ZNF81: variants seen among roughly 807,000 people sequenced by gnomAD.
ZNF81 encodes the protein zinc finger protein 81 (HFZ20).
A neutral mutation model predicts 32.3 loss-of-function variants in ZNF81; 5 were observed. That is an observed-to-expected ratio of 0.15 (90% CI 0.08 to 0.33). The LOEUF (loss-of-function observed/expected upper bound fraction) is 0.33, where lower values mean the gene tolerates loss of function less well. ZNF81 is among the 10% of genes least tolerant of loss of function. The pLI is 1.00. For synonymous variants in ZNF81, 163 were observed against 166.8 expected (o/e 0.98, Z 0.17); for missense variants, 379 against 479.8 (o/e 0.79, Z 1.96).
intron 4 of ZNF81, among the ~76,000 whole-genome samples, chrX:47,901,075 C>T (rs1356377166): frequency 9.0e-6 from 1 of 110,501 alleles, no homozygotes; most frequent in African/African-American, 3.3e-5. Context: ...AACTTTTGAC[C>T]CCCCTACAAA....
chrX:47,863,940 CCAAA>C (rs1452226580), intron 2 of ZNF81, among the ~76,000 whole-genome samples: 1 of 111,563 alleles, frequency 9.0e-6, no homozygotes, highest in Non-Finnish European at 1.9e-5. Flanking sequence ...CAGAGGGTTA[CCAAA>C]CACTCTAGTC....
intron 4 of ZNF81, among the ~76,000 whole-genome samples, chrX:47,900,843 C>G (rs2058695819): frequency 9.0e-6 from 1 of 111,441 alleles, no homozygotes; most frequent in Admixed American, 9.6e-5. Flanking sequence ...AGATTTTATA[C>G]ACAGAATTAG....
intron 4 of ZNF81, among the ~76,000 whole-genome samples, chrX:47,898,221 G>GGGA (rs782693104): frequency 4.8e-4 from 53 of 111,234 alleles, no homozygotes; most frequent in African/African-American, 1.6e-3. Context: ...TTAGAGCAGG[G>GGGA]GGATAGTGGC....
rs1556891988 is a variant in ZNF81 at position 47,922,084 on chromosome X, C to CT, written c.*5453dup. The CT allele has an allele frequency of 8.9e-6, 1 of 112,164 alleles. No individual in the cohort carries two copies. 9.2% of individuals were successfully genotyped at this position (112,164 alleles called of 1,213,427 possible). A position where few individuals can be genotyped will look rare whatever the true frequency, so the allele number is the denominator to read the frequency against. On this transcript the variant is annotated 3_prime_UTR_variant, in exon 5 of 5. Transcript: ENST00000338637. ...TTAAAACGTTAACTGTTTTAAGTCA[C>CT]TAAGTTTTGGGCAGCATGATAACAA...
chrX:47,866,012 C>T (rs1351881584), intron 2 of ZNF81, among the ~76,000 whole-genome samples: 3 of 112,250 alleles, frequency 2.7e-5, no homozygotes, highest in Admixed American at 9.4e-5. Context: ...ACACTAAAGC[C>T]TAACCTACTC....
At position 47,916,947 on chromosome X, in the gene ZNF81, A is replaced by AT. The variant is rs1340340678; in HGVS notation, c.*316dup. The AT allele has an allele frequency of 3.6e-6, 1 of 275,178 alleles. No individual in the cohort carries two copies. The highest frequency in any genetic ancestry group is 5.4e-5 in the East Asian group (1 of 18,447). 22.7% of individuals were successfully genotyped at this position (275,178 alleles called of 1,213,427 possible). Reference sequence around the variant, plus strand: ...AAGTTAAATTGTTACCAAATTCTTTATAGGAAGGAGAGTGCAAAATTATGT... The same window carrying AT: ...AAGTTAAATTGTTACCAAATTCTTTATTAGGAAGGAGAGTGCAAAATTATGT... On this transcript the variant is annotated 3_prime_UTR_variant, in exon 5 of 5. Transcript: ENST00000338637.
intron 2 of ZNF81, among the ~76,000 whole-genome samples, chrX:47,886,601 CTT>C (rs564623338): frequency 1.4e-4 from 13 of 96,102 alleles, no homozygotes; most frequent in Non-Finnish European, 1.7e-4. Flanking sequence ...CTCTCTCTCT[CTT>C]TTTTTTTTTT....
At chrX:47,864,425 G>A (rs2058552547) in intron 2 of ZNF81, among the ~76,000 whole-genome samples, 1 of 111,936 alleles carries the variant, frequency 8.9e-6, no homozygotes, top group Non-Finnish European at 1.9e-5. Context: ...CTGAGGAGAC[G>A]TCAACAGTGG....
At chrX:47,859,909 G>T (rs1225725146) in intron 2 of ZNF81, among the ~76,000 whole-genome samples, 3 of 110,788 alleles carry the variant, frequency 2.7e-5, no homozygotes, top group African/African-American at 9.9e-5. Flanking sequence ...TCTGGAGGGA[G>T]ACACAATATA....
chrX:47,898,112 A>T (rs1313492467), intron 4 of ZNF81, among the ~76,000 whole-genome samples: 1 of 111,447 alleles, frequency 9.0e-6, no homozygotes, highest in Non-Finnish European at 1.9e-5. Context: ...GCAAGGTCAG[A>T]AGGCTAGGCA....
At chrX:47,913,566 AAATTCATTCATT>A (rs2058746225) in intron 4 of ZNF81, among the ~76,000 whole-genome samples, 1 of 112,051 alleles carries the variant, frequency 8.9e-6, no homozygotes, top group Non-Finnish European at 1.9e-5. Context: ...AGGTGAAGTA[AAATTCATTCATT>A]TATTGTATTT....
At chrX:47,892,317 G>A (rs2058665479) in intron 3 of ZNF81, among the ~76,000 whole-genome samples, 1 of 111,816 alleles carries the variant, frequency 8.9e-6, no homozygotes, top group South Asian at 3.7e-4. Context: ...CTCAGTGGCT[G>A]CAGTTCCCAC....
At chrX:47,852,782 C>T (rs1377813318) in intron 2 of ZNF81, among the ~76,000 whole-genome samples, 2 of 112,761 alleles carry the variant, frequency 1.8e-5, no homozygotes, top group Non-Finnish European at 3.7e-5. Context: ...ATATTTTAAC[C>T]TCCTCCCATG....
Position 47,916,672 on chromosome X carries a change from T to A in ZNF81, c.*40T>A, listed in dbSNP as rs2058758323. On this transcript the variant is annotated 3_prime_UTR_variant, in exon 5 of 5. Coordinates refer to ENST00000338637, the MANE Select transcript of ZNF81 (RefSeq NM_007137.5). ...CTTGAAAATGAGAGCCTTATAAGGC[T>A]GACAAAAGTCAGGTCTAACTATATA... 8.6e-7 allele frequency: 1 copy of A among 1,162,384 alleles called. No individual in the cohort carries two copies. Among genetic ancestry groups the A allele is most frequent in the South Asian group, 2.0e-5 (1 of 49,394 alleles).
intron 3 of ZNF81, among the ~76,000 whole-genome samples, chrX:47,895,570 A>C (rs2058676841): frequency 9.0e-6 from 1 of 111,439 alleles, no homozygotes; most frequent in Admixed American, 9.6e-5. Context: ...AGAGACAATA[A>C]ATTTCTGTTG....
intron 2 of ZNF81, among the ~76,000 whole-genome samples, chrX:47,850,033 A>C (rs1267585222): frequency 1.8e-5 from 2 of 111,982 alleles, no homozygotes; most frequent in Admixed American, 9.4e-5. Flanking sequence ...TGAGAATGTA[A>C]ATTGACACAA....
At chrX:47,895,406 G>A (rs2058676275) in intron 3 of ZNF81, among the ~76,000 whole-genome samples, 1 of 111,653 alleles carries the variant, frequency 9.0e-6, no homozygotes, top group Admixed American at 9.5e-5. Context: ...AGACAGACAT[G>A]TCACTGGGGT....
At chrX:47,909,625 T>C (rs1408019013) in intron 4 of ZNF81, among the ~76,000 whole-genome samples, 1 of 109,572 alleles carries the variant, frequency 9.1e-6, no homozygotes, top group Non-Finnish European at 1.9e-5. Flanking sequence ...TTAATTATTA[T>C]ACTTTAAGTT....
chrX:47,847,646 C>G (rs1351212529), intron 2 of ZNF81, among the ~76,000 whole-genome samples: 5 of 111,782 alleles, frequency 4.5e-5, no homozygotes, highest in Middle Eastern at 4.6e-3. Flanking sequence ...TCTCTTGGGT[C>G]AGATCTGTTT....
Sources: allele counts gnomAD v4.1 joint callset (sites outside exome capture counted in the v4.1 genomes callset), GRCh38; gene constraint gnomAD v4.1.1; transcripts MANE v1.5; gene names NCBI Gene and HGNC (gene_info 2026-07-23, HGNC 2026-07-21).